Variants in LRRTM4 observed in about 807,000 individuals in gnomAD.
LRRTM4 encodes the protein leucine rich repeat transmembrane neuronal 4, also known as leucine-rich repeat transmembrane neuronal protein 4.
In LRRTM4, 25 loss-of-function variants were observed where a neutral mutation model predicts 47.6. That is an observed-to-expected ratio of 0.53 (90% CI 0.38 to 0.73). The LOEUF is 0.73. Among genes scored for constraint, LRRTM4 ranks in the 30% least tolerant of loss-of-function variants. The pLI is 0.00. For synonymous variants in LRRTM4, 311 were observed against 269.5 expected, an observed-to-expected ratio of 1.15 and a Z score of -1.51; for missense variants, 638 against 713.4, an observed-to-expected ratio of 0.89 and a Z score of 1.20.
At chr2:77,041,615 T>G (rs1679037007) in intron 3 of LRRTM4, among the ~76,000 whole-genome samples, 1 of 151,474 alleles carries the variant, frequency 6.6e-6, no homozygotes, top group East Asian at 2.0e-4. Flanking sequence ...TAGAGTGAGA[T>G]GCTATCTCAT....
chr2:77,276,375 A>C (rs1676353226), intron 3 of LRRTM4, among the ~76,000 whole-genome samples: 1 of 140,872 alleles, frequency 7.1e-6, no homozygotes, highest in African/African-American at 2.6e-5. Flanking sequence ...GAAGGAAGGA[A>C]GGAAGGGAGG....
chr2:76,796,178 C>T lies in LRRTM4; in HGVS notation c.1552-47262G>A, dbSNP rs1265668792. 6.3e-5 allele frequency among the ~76,000 whole-genome samples: 9 copies of T among 143,178 alleles called. 1 individual carries two copies. Among genetic ancestry groups the T allele is most frequent in the East Asian group, 2.0e-4 (1 of 4,974 alleles). 93.9% of individuals were successfully genotyped at this position (143,178 alleles called of 152,430 possible). A position where few individuals can be genotyped will look rare whatever the true frequency, so the allele number is the denominator to read the frequency against. ...CTCGCAGGGTCCTACGCCCACAGAG[C>T]CTCGCTGATTGCTAGCACAGCAGTC... is the stretch of plus-strand genomic sequence containing the variant. On this transcript the variant is annotated intron_variant, in intron 3 of 3. Transcript: ENST00000409884.
intron 3 of LRRTM4, among the ~76,000 whole-genome samples, chr2:77,316,332 T>C (rs1049772519): frequency 2.6e-5 from 4 of 152,220 alleles, no homozygotes; most frequent in African/African-American, 2.4e-5. Flanking sequence ...AGAGATTAAA[T>C]AGGCAATTAT....
chr2:76,845,927 T>A (rs182658373), intron 3 of LRRTM4, among the ~76,000 whole-genome samples: 2 of 152,216 alleles, frequency 1.3e-5, no homozygotes, highest in Admixed American at 6.5e-5. Context: ...ATACAGTTGA[T>A]CTTTGAACAA....
chr2:76,967,659 C>T (rs910224906), intron 3 of LRRTM4, among the ~76,000 whole-genome samples: 1 of 151,694 alleles, frequency 6.6e-6, no homozygotes, highest in Non-Finnish European at 1.5e-5. Flanking sequence ...TGTGTGCTCT[C>T]AACGCATGAG....
chr2:76,840,948 T>C (rs990636272), intron 3 of LRRTM4, among the ~76,000 whole-genome samples: 14 of 151,768 alleles, frequency 9.2e-5, no homozygotes, highest in African/African-American at 3.4e-4. Flanking sequence ...GGATTATAAA[T>C]CATGCTGCTA....
At chr2:76,945,444 T>C (rs1165516723) in intron 3 of LRRTM4, among the ~76,000 whole-genome samples, 1 of 151,948 alleles carries the variant, frequency 6.6e-6, no homozygotes, top group African/African-American at 2.4e-5. Flanking sequence ...TTGGTGAAAA[T>C]GAAGAGTGAA....
At chr2:77,266,492 T>A in intron 3 of LRRTM4, among the ~76,000 whole-genome samples, 1 of 151,848 alleles carries the variant, frequency 6.6e-6, no homozygotes. Flanking sequence ...AGAGCAGATA[T>A]CAGAAGCAAA....
At chr2:77,281,980 G>A (rs936035514) in intron 3 of LRRTM4, among the ~76,000 whole-genome samples, 1 of 151,854 alleles carries the variant, frequency 6.6e-6, no homozygotes, top group Non-Finnish European at 1.5e-5. Flanking sequence ...AACAAATTAT[G>A]TTGGTAGTTT....
At chr2:77,319,631 G>T (rs1483525785) in intron 3 of LRRTM4, among the ~76,000 whole-genome samples, 1 of 152,084 alleles carries the variant, frequency 6.6e-6, no homozygotes, top group African/African-American at 2.4e-5. Context: ...GATTTTATGG[G>T]AGTAAATATC....
intron 3 of LRRTM4, among the ~76,000 whole-genome samples, chr2:77,401,431 T>G (rs1221887194): frequency 6.6e-6 from 1 of 151,980 alleles, no homozygotes; most frequent in Non-Finnish European, 1.5e-5. Context: ...TCATTTTCCT[T>G]CATATCATAA....
intron 3 of LRRTM4, among the ~76,000 whole-genome samples, chr2:76,873,461 C>CGT (rs1553423201): frequency 6.0e-4 from 71 of 118,104 alleles, no homozygotes; most frequent in Middle Eastern, 4.7e-3. Flanking sequence ...ATATATATAA[C>CGT]GTGTGTGTGT....
intron 3 of LRRTM4, among the ~76,000 whole-genome samples, chr2:76,896,461 G>A (rs1043394765): frequency 6.6e-6 from 1 of 151,420 alleles, no homozygotes; most frequent in Non-Finnish European, 1.5e-5. Flanking sequence ...CCTATTCTAT[G>A]AAAAAAAATC....
chr2:76,897,268 A>G (rs538515147), intron 3 of LRRTM4, among the ~76,000 whole-genome samples: 2 of 152,222 alleles, frequency 1.3e-5, no homozygotes, highest in Non-Finnish European at 2.9e-5. Context: ...TCTGGAAATT[A>G]AACTCCTGAG....
chr2:76,772,178 G>A (rs568682083), intron 3 of LRRTM4, among the ~76,000 whole-genome samples: 3 of 152,012 alleles, frequency 2.0e-5, no homozygotes, highest in Non-Finnish European at 2.9e-5. Flanking sequence ...AAAGAAACCC[G>A]GAGAGCTCTC....
At chr2:77,330,918 A>G (rs2104250334) in intron 3 of LRRTM4, among the ~76,000 whole-genome samples, 1 of 152,316 alleles carries the variant, frequency 6.6e-6, no homozygotes, top group African/African-American at 2.4e-5. Flanking sequence ...AACTTGTCAA[A>G]ATGTCAAAAG....
intron 3 of LRRTM4, among the ~76,000 whole-genome samples, chr2:77,366,283 C>T (rs1460456024): frequency 6.6e-6 from 1 of 151,796 alleles, no homozygotes; most frequent in Non-Finnish European, 1.5e-5. Flanking sequence ...GAACTTAACC[C>T]GATTGACCAC....
chr2:77,275,946 C>T (rs939076241), intron 3 of LRRTM4, among the ~76,000 whole-genome samples: 4 of 151,966 alleles, frequency 2.6e-5, no homozygotes, highest in South Asian at 4.2e-4. Flanking sequence ...ATGACAATCC[C>T]TTTCCTGTTT....
intron 3 of LRRTM4, among the ~76,000 whole-genome samples, chr2:77,287,384 T>C (rs1676694779): frequency 6.6e-6 from 1 of 151,708 alleles, no homozygotes; most frequent in Non-Finnish European, 1.5e-5. Context: ...TGCTTTACCT[T>C]AAAATTTAAA....
Sources: gnomAD v4.1 joint callset for allele counts (sites outside exome capture counted in the v4.1 genomes callset) on GRCh38, gnomAD v4.1.1 for gene constraint, MANE v1.5 for transcripts, NCBI Gene and HGNC (gene_info 2026-07-23, HGNC 2026-07-21) for gene names.